Variants in GRM5 observed in about 807,000 individuals in gnomAD.
The protein encoded by GRM5 is glutamate metabotropic receptor 5.
GRM5 carries 19 observed loss-of-function variants against 83.1 expected under a neutral mutation model. The observed-to-expected ratio is 0.23, with a 90% confidence interval of 0.16 to 0.34. The LOEUF is 0.34. GRM5 is among the 10% of genes least tolerant of loss of function. GRM5 has a pLI of 1.00. For synonymous variants in GRM5, 675 were observed against 633.6 expected, an observed-to-expected ratio of 1.07 and a Z score of -0.98; for missense variants, 1,160 against 1,588.3, an observed-to-expected ratio of 0.73 and a Z score of 4.58.
chr11:88,759,166 A>G (rs1427869968), intron 3 of GRM5, among the ~76,000 whole-genome samples: 1 of 151,940 alleles, frequency 6.6e-6, no homozygotes, highest in African/African-American at 2.4e-5. Flanking sequence ...TAAAGCAACC[A>G]AACAAGTCTA....
chr11:88,623,188 C>T (rs1325914642), intron 4 of GRM5, among the ~76,000 whole-genome samples: 9 of 152,074 alleles, frequency 5.9e-5, no homozygotes, highest in Non-Finnish European at 1.2e-4. Flanking sequence ...CAGGTTCAAG[C>T]GATTCTCCTG....
intron 2 of GRM5, among the ~76,000 whole-genome samples, chr11:88,997,490 G>GAAAATCAGTTACTTCATTTAAA (rs1940225093): frequency 6.6e-6 from 1 of 151,016 alleles, no homozygotes; most frequent in African/African-American, 2.4e-5. Context: ...AAAAAATAGA[G>GAAAATCAGTTACTTCATTTAAA]AAAATCAGTT....
At chr11:89,010,503 A>T (rs1940664237) in intron 2 of GRM5, among the ~76,000 whole-genome samples, 1 of 152,206 alleles carries the variant, frequency 6.6e-6, no homozygotes, top group Non-Finnish European at 1.5e-5. Context: ...GGCCACCTAG[A>T]TTAGGGTCCT....
intron 2 of GRM5, among the ~76,000 whole-genome samples, chr11:88,917,032 A>G (rs643324): frequency 0.84 from 127,509 of 152,094 alleles, 54,603 homozygotes; most frequent in Non-Finnish European, 0.95. Flanking sequence ...GCCTTGGGCA[A>G]GACCCAGTAC....
rs199644767 is a variant in GRM5 at position 88,626,709 on chromosome 11, TG to T, written c.1148-21746del. Among the ~76,000 whole-genome samples, 1,040 of 152,284 alleles carry T rather than the reference TG, an allele frequency of 6.8e-3. 16 individuals carry two copies. Among genetic ancestry groups the T allele is most frequent in the African/African-American group, 0.024 (990 of 41,560 alleles). ...TTCCTAGTGTGATGGTATTTGGAGA[TG>T]AAGTTTTGGGAAGTAATTAGGTTTA... On this transcript the variant is annotated intron_variant, in intron 4 of 9. Coordinates refer to ENST00000305447, the MANE Select transcript of GRM5 (RefSeq NM_001143831.3).
intron 2 of GRM5, among the ~76,000 whole-genome samples, chr11:89,006,704 T>G (rs1940537019): frequency 6.6e-6 from 1 of 152,246 alleles, no homozygotes; most frequent in Non-Finnish European, 1.5e-5. Context: ...TCCTGCTATT[T>G]GTATTTTGCA....
intron 5 of GRM5, among the ~76,000 whole-genome samples, chr11:88,603,127 G>A (rs1335588886): frequency 6.6e-6 from 1 of 152,196 alleles, no homozygotes; most frequent in Non-Finnish European, 1.5e-5. Context: ...TCTGAGTCTT[G>A]AAGGGATGAT....
At position 88,938,325 on chromosome 11, in the gene GRM5, T is replaced by A. The variant is rs535691279; in HGVS notation, c.662-88170A>T. Among the ~76,000 whole-genome samples the A allele has an allele frequency of 4.6e-5, 7 of 151,764 alleles. No homozygotes were observed. In the East Asian group the frequency reaches 1.4e-3, roughly 29 times the overall value. On this transcript the variant is annotated intron_variant, in intron 2 of 9. Transcript: ENST00000305447. ...ATTTAGTATGACTTTGATTTTTGTG[T>A]TTTAAAGCAATACATTGTTATTTTA...
At chr11:88,595,861 A>G (rs1364782466) in intron 6 of GRM5, among the ~76,000 whole-genome samples, 1 of 152,084 alleles carries the variant, frequency 6.6e-6, no homozygotes, top group Non-Finnish European at 1.5e-5. Flanking sequence ...TGTACTTTGA[A>G]AGCAGAAATT....
chr11:88,580,006 A>G (rs1273393292), intron 7 of GRM5, among the ~76,000 whole-genome samples: 3 of 152,158 alleles, frequency 2.0e-5, no homozygotes, highest in African/African-American at 7.2e-5. Flanking sequence ...GATATGAAGG[A>G]TTAGCCAATG....
rs146118576 is a variant in GRM5 at position 88,577,632 on chromosome 11, G to A, written c.1691-9640C>T. ...TTTAATACCTACAAGGTCCTCATGC[G>A]ATAGGGACCATTATTTCATCTATTT... On this transcript the variant is annotated intron_variant, in intron 7 of 9. Transcript: ENST00000305447. Among the ~76,000 whole-genome samples the A allele has an allele frequency of 7.4e-3, 1,122 of 152,110 alleles. 11 individuals are homozygous for A. Among genetic ancestry groups the A allele is most frequent in the African/African-American group, 0.026 (1,084 of 41,496 alleles).
At chr11:88,663,178 G>A (rs544434535) in intron 3 of GRM5, among the ~76,000 whole-genome samples, 1 of 152,172 alleles carries the variant, frequency 6.6e-6, no homozygotes, top group African/African-American at 2.4e-5. Flanking sequence ...GGTGTGGTCA[G>A]TATAGACTGA....
intron 5 of GRM5, among the ~76,000 whole-genome samples, chr11:88,600,624 G>A (rs551615912): frequency 1.3e-5 from 2 of 152,212 alleles, no homozygotes; most frequent in South Asian, 4.1e-4. Context: ...AGGTAAACTA[G>A]AGAAAGTCAG....
At chr11:88,955,132 G>C (rs189854187) in intron 2 of GRM5, among the ~76,000 whole-genome samples, 1 of 152,164 alleles carries the variant, frequency 6.6e-6, no homozygotes, top group African/African-American at 2.4e-5. Flanking sequence ...TGTGTTGTTT[G>C]TATACACACA....
chr11:89,044,848 A>G (rs1941610445), intron 2 of GRM5, among the ~76,000 whole-genome samples: 1 of 147,174 alleles, frequency 6.8e-6, no homozygotes, highest in Admixed American at 6.7e-5. Flanking sequence ...CCAAGTGGGG[A>G]GGAAAAAAAA....
intron 2 of GRM5, among the ~76,000 whole-genome samples, chr11:88,918,378 A>C (rs950161729): frequency 9.9e-5 from 15 of 151,992 alleles, no homozygotes; most frequent in African/African-American, 3.4e-4. Flanking sequence ...ACATGTATAC[A>C]TATGTAACTA....
In GRM5 at chr11:89,047,198, C is replaced by T; in HGVS notation, c.661+14G>A. 1 of 1,584,700 alleles carries T rather than the reference C, an allele frequency of 6.3e-7. No homozygotes were observed. The highest frequency in any genetic ancestry group is 2.2e-5 in the East Asian group (1 of 44,498). Reference sequence around the variant, plus strand: ...CATAATAATATATACTCGATGTATGCAAAGGAAACTTACCTTCTGTGTGCA... The same window carrying T: ...CATAATAATATATACTCGATGTATGTAAAGGAAACTTACCTTCTGTGTGCA... On this transcript the variant is annotated intron_variant, in intron 2 of 9. Transcript: ENST00000305447. This position sits in a 1 kb window ranked among gnomAD's most constrained non-coding sequence, Gnocchi z 5.1.
intron 2 of GRM5, among the ~76,000 whole-genome samples, chr11:88,916,703 C>G (rs1307539354): frequency 1.3e-5 from 2 of 151,614 alleles, no homozygotes; most frequent in East Asian, 3.9e-4. Flanking sequence ...GGAGTGTCAT[C>G]CCTCCCCCAA....
intron 3 of GRM5, among the ~76,000 whole-genome samples, chr11:88,816,902 A>C (rs1943701778): frequency 6.6e-6 from 1 of 152,120 alleles, no homozygotes; most frequent in African/African-American, 2.4e-5. Flanking sequence ...AAAATAGAAA[A>C]GTTCCTTCAT....
Sources: allele counts gnomAD v4.1 joint callset (sites outside exome capture counted in the v4.1 genomes callset), GRCh38; gene constraint gnomAD v4.1.1; non-coding constraint Gnocchi (gnomAD v3.1); transcripts MANE v1.5; gene names NCBI Gene and HGNC (gene_info 2026-07-23, HGNC 2026-07-21).